The following CACHD1 variants were observed in gnomAD, a reference collection of about 807,000 sequenced individuals.
The protein encoded by CACHD1 is cache domain containing 1, also known as VWFA and cache domain-containing protein 1.
A neutral mutation model predicts 138.7 loss-of-function variants in CACHD1; 71 were observed. The observed-to-expected ratio is 0.51, with a 90% CI of 0.42 to 0.62. The LOEUF (loss-of-function observed/expected upper bound fraction) is 0.62. Among genes scored for constraint, CACHD1 ranks in the 20% least tolerant of loss-of-function variants. The pLI is 0.00. For synonymous variants in CACHD1, 578 were observed against 591.5 expected (o/e 0.98, Z 0.33); for missense variants, 1,389 against 1,625.3 (o/e 0.85, Z 2.50).
chr1:64,514,175 G>A (rs528167505), intron 1 of CACHD1, among the ~76,000 whole-genome samples: 1 of 152,282 alleles, frequency 6.6e-6, no homozygotes, highest in South Asian at 2.1e-4. Flanking sequence ...GTAAAATAAC[G>A]TTTTGGAAAC....
In CACHD1 at chr1:64,643,582, A is replaced by G. The variant is rs996235027; in HGVS notation, c.1156+1613A>G. Among the ~76,000 whole-genome samples, 48 of 152,330 alleles carry G rather than the reference A, an allele frequency of 3.2e-4. 2 individuals carry two copies. Among genetic ancestry groups the G allele is most frequent in the African/African-American group, 1.1e-3 (47 of 41,574 alleles). ...CCGAGCTCGGTGGCTCATGCCTGTA[A>G]TCCCAGCACTTTGGGAGGCCAAGGC... is the stretch of plus-strand genomic sequence containing the variant. On this transcript the variant is annotated intron_variant, in intron 8 of 26. Coordinates refer to ENST00000651257, the MANE Select transcript of CACHD1 (RefSeq NM_020925.4).
intron 3 of CACHD1, among the ~76,000 whole-genome samples, chr1:64,597,777 T>C (rs1035698616): frequency 2.6e-5 from 4 of 152,052 alleles, no homozygotes; most frequent in African/African-American, 9.7e-5. Context: ...TGTATGAAAA[T>C]CTATGATTTT....
At chr1:64,550,743 G>C (rs1461753762) in intron 2 of CACHD1, 87 bp downstream of exon 2, 8 of 842,632 alleles carry the variant, frequency 9.5e-6, no homozygotes, top group Middle Eastern at 2.2e-4. Context: ...ATCTCCACTT[G>C]AGGTTTCCTG....
intron 9 of CACHD1, among the ~76,000 whole-genome samples, chr1:64,648,465 C>G (rs1648984337): frequency 6.6e-6 from 1 of 152,060 alleles, no homozygotes; most frequent in Non-Finnish European, 1.5e-5. Flanking sequence ...GGTGTTAATT[C>G]TCCATTTGGT....
intron 26 of CACHD1, 70 bp downstream of exon 26, chr1:64,682,176 C>A: frequency 7.4e-7 from 1 of 1,345,592 alleles, no homozygotes; most frequent in South Asian, 1.2e-5. Context: ...ATGCTCACAC[C>A]CTATTTTGAC....
intron 23 of CACHD1, 111 bp downstream of exon 23, chr1:64,678,421 G>T (rs879625846): frequency 8.7e-7 from 1 of 1,147,464 alleles, no homozygotes; most frequent in Non-Finnish European, 1.2e-6. Flanking sequence ...TTCCTTTGCT[G>T]GTAGTCTTTA....
intron 8 of CACHD1, among the ~76,000 whole-genome samples, chr1:64,643,574 T>A (rs144960986): frequency 6.6e-6 from 1 of 152,132 alleles, no homozygotes; most frequent in Non-Finnish European, 1.5e-5. Flanking sequence ...CGGTGGCTCA[T>A]GCCTGTAATC....
chr1:64,673,660 T>C (rs1038176558), intron 19 of CACHD1, among the ~76,000 whole-genome samples, 196 bp downstream of exon 19: 1 of 152,178 alleles, frequency 6.6e-6, no homozygotes, highest in Non-Finnish European at 1.5e-5. Context: ...AGTAGAAAAG[T>C]AAAAGTTTTA....
intron 1 of CACHD1, among the ~76,000 whole-genome samples, chr1:64,520,570 A>T (rs147388763): frequency 6.6e-6 from 1 of 152,184 alleles, no homozygotes; most frequent in East Asian, 1.9e-4. Flanking sequence ...CTCATTACCT[A>T]TACTGAATTA....
At chr1:64,560,934 C>T (rs1038872415) in intron 2 of CACHD1, among the ~76,000 whole-genome samples, 7 of 152,000 alleles carry the variant, frequency 4.6e-5, no homozygotes, top group African/African-American at 1.2e-4. Context: ...TGTTATTCTC[C>T]AGTAATATTA....
intron 9 of CACHD1, among the ~76,000 whole-genome samples, chr1:64,649,245 G>A (rs975408929): frequency 2.0e-5 from 3 of 152,012 alleles, no homozygotes; most frequent in South Asian, 2.1e-4. Context: ...CACCCCGGCC[G>A]GAGTGCAGTG....
At chr1:64,637,719 T>A (rs534402471) in intron 7 of CACHD1, among the ~76,000 whole-genome samples, 1 of 152,318 alleles carries the variant, frequency 6.6e-6, no homozygotes, top group African/African-American at 2.4e-5. Context: ...CCAAGTAAGA[T>A]GTTTCTAAGG....
At chr1:64,574,257 G>C (rs1263746140) in intron 2 of CACHD1, among the ~76,000 whole-genome samples, 1 of 152,190 alleles carries the variant, frequency 6.6e-6, no homozygotes, top group Non-Finnish European at 1.5e-5. Flanking sequence ...CGATTTCCTT[G>C]ATTGTAAAAC....
chr1:64,663,672 T>G, intron 13 of CACHD1, 23 bp from the exon 14 acceptor site: 1 of 1,613,976 alleles, frequency 6.2e-7, no homozygotes, highest in African/African-American at 1.3e-5. Context: ...TTCTCAGGCC[T>G]GCTTTGTTTG....
chr1:64,674,816 T>A (rs1649931531), intron 19 of CACHD1, among the ~76,000 whole-genome samples: 1 of 152,218 alleles, frequency 6.6e-6, no homozygotes, highest in Non-Finnish European at 1.5e-5. Context: ...TAAACAAAAT[T>A]GGCAATTCAA....
At position 64,634,192 on chromosome 1, in the gene CACHD1, A is replaced by G. The variant is rs1164110209; in HGVS notation, c.938A>G (p.His313Arg). ...AAGTCTTCAGACAGTCCTACCCAGC[A>G]CGCAGTGGGATTCCAAAAGGCATTT... ...SVKSSDSPTQ[H>R]AVGFQKAFQL... Residue 313 changes from histidine (H) to arginine (R), a missense_variant, in exon 7 of 27, where the codon CAC becomes CGC. His to Arg is a conservative substitution (Grantham distance 29). Transcript: ENST00000651257. The G allele has an allele frequency of 5.0e-6, 8 of 1,613,966 alleles. No homozygotes were observed. In the Admixed American group the frequency reaches 1.2e-4, roughly 24 times the overall value.
At chr1:64,544,001 A>G (rs1646698902) in intron 1 of CACHD1, among the ~76,000 whole-genome samples, 1 of 151,882 alleles carries the variant, frequency 6.6e-6, no homozygotes, top group African/African-American at 2.4e-5. Flanking sequence ...TTTTTAAAAA[A>G]ATTTGTTTAA....
intron 2 of CACHD1, among the ~76,000 whole-genome samples, chr1:64,560,977 G>T (rs929491191): frequency 3.3e-5 from 5 of 151,934 alleles, no homozygotes; most frequent in African/African-American, 1.2e-4. Context: ...ACTCAATATT[G>T]ATATAGCAAC....
chr1:64,650,125 T>G (rs922036643), intron 9 of CACHD1, among the ~76,000 whole-genome samples: 5 of 152,240 alleles, frequency 3.3e-5, no homozygotes, highest in African/African-American at 9.6e-5. Context: ...AACAGGAGCT[T>G]AGCATACTTT....
Sources: allele counts gnomAD v4.1 joint callset (sites outside exome capture counted in the v4.1 genomes callset), GRCh38; gene constraint gnomAD v4.1.1; transcripts MANE v1.5; gene names NCBI Gene and HGNC (gene_info 2026-07-23, HGNC 2026-07-21).